The following MALRD1 variants were observed in gnomAD, a reference collection of about 807,000 sequenced individuals.
The protein encoded by MALRD1 is MAM and LDL receptor class A domain containing 1.
MALRD1 carries 247 observed loss-of-function variants against 242.1 expected under a neutral mutation model. That is an observed-to-expected ratio of 1.02 (90% CI 0.92 to 1.13). The LOEUF is 1.13. Among genes scored for constraint, MALRD1 ranks in the 50% most tolerant of loss-of-function variants. The pLI, the probability that MALRD1 is intolerant of heterozygous loss-of-function variation, is 0.00. For missense variants in MALRD1, 2,989 were observed against 2,533.1 expected (o/e 1.18, Z -3.86); for synonymous variants, 995 against 866.6 (o/e 1.15, Z -2.60).
Position 19,167,223 on chromosome 10 carries a change from G to A in MALRD1, c.1830+1413G>A, listed in dbSNP as rs919979777. On this transcript the variant is annotated intron_variant, in intron 13 of 39. Transcript: ENST00000454679. ...AAATACAAAAAATTAGCCGGGCATG[G>A]TGGCACGTGCCTGTAGTCCCAGCTA... 2.6e-5 allele frequency among the ~76,000 whole-genome samples: 4 copies of A among 152,230 alleles called. No homozygotes were observed. In the South Asian group the frequency reaches 8.3e-4, roughly 32 times the overall value.
intron 28 of MALRD1, among the ~76,000 whole-genome samples, chr10:19,446,032 C>T (rs1337990187): frequency 6.6e-6 from 1 of 152,154 alleles, no homozygotes; most frequent in Non-Finnish European, 1.5e-5. Flanking sequence ...AGTTCAATCT[C>T]AGACTGCTGT....
At chr10:19,620,687 A>G (rs562538290) in intron 36 of MALRD1, among the ~76,000 whole-genome samples, 110 of 152,214 alleles carry the variant, frequency 7.2e-4, no homozygotes, top group African/African-American at 2.6e-3. Flanking sequence ...CATGTCTTCA[A>G]TACATTTTCA....
intron 4 of MALRD1, among the ~76,000 whole-genome samples, chr10:19,101,620 A>AAAATTTG (rs1836260321): frequency 7.4e-6 from 1 of 135,740 alleles, no homozygotes; most frequent in Non-Finnish European, 1.5e-5. Flanking sequence ...ATATATACAT[A>AAAATTTG]TATACATATG....
At chr10:19,479,440 G>A (rs1023205043) in intron 29 of MALRD1, among the ~76,000 whole-genome samples, 1 of 152,122 alleles carries the variant, frequency 6.6e-6, no homozygotes, top group Non-Finnish European at 1.5e-5. Context: ...TTGGCTAAGG[G>A]TAAAGACTGT....
At chr10:19,160,839 T>G (rs1834362750) in intron 12 of MALRD1, among the ~76,000 whole-genome samples, 1 of 122,680 alleles carries the variant, frequency 8.2e-6, no homozygotes, top group Non-Finnish European at 1.7e-5. Flanking sequence ...TGTGTCTATT[T>G]GATTCTTCTC....
chr10:19,720,705 A>T (rs551315412), intron 38 of MALRD1, among the ~76,000 whole-genome samples: 3 of 151,972 alleles, frequency 2.0e-5, no homozygotes, highest in East Asian at 1.9e-4. Flanking sequence ...TTACTGTGCT[A>T]TTTTTTTTAT....
At chr10:19,467,295 C>T (rs1357044280) in intron 29 of MALRD1, among the ~76,000 whole-genome samples, 1 of 143,074 alleles carries the variant, frequency 7.0e-6, no homozygotes, top group East Asian at 2.2e-4. Context: ...GCGGAGCTTG[C>T]AGTGAGCCGA....
intron 24 of MALRD1, among the ~76,000 whole-genome samples, chr10:19,335,163 T>C (rs1450369866): frequency 6.6e-6 from 1 of 150,892 alleles, no homozygotes; most frequent in East Asian, 1.9e-4. Flanking sequence ...TGGTGAATGA[T>C]TGCAAAACCT....
chr10:19,135,369 G>T (rs2131410051), intron 9 of MALRD1, among the ~76,000 whole-genome samples: 1 of 152,226 alleles, frequency 6.6e-6, no homozygotes, highest in African/African-American at 2.4e-5. Context: ...TGGCCAGGCT[G>T]GTCTCGAACT....
chr10:19,224,742 G>A (rs1407136212), intron 18 of MALRD1, among the ~76,000 whole-genome samples: 1 of 152,084 alleles, frequency 6.6e-6, no homozygotes, highest in Non-Finnish European at 1.5e-5. Context: ...TTAGCCCTTT[G>A]TTAGATGGAT....
intron 32 of MALRD1, among the ~76,000 whole-genome samples, chr10:19,548,591 GTGATCAGTGATCTT>G (rs1352021288): frequency 2.0e-5 from 3 of 152,064 alleles, no homozygotes; most frequent in African/African-American, 7.2e-5. Context: ...ATGGTGATCT[GTGATCAGTGATCTT>G]TGATGCTACT....
intron 36 of MALRD1, among the ~76,000 whole-genome samples, chr10:19,686,920 T>C (rs1385393425): frequency 6.6e-6 from 1 of 151,766 alleles, no homozygotes. Context: ...ACAAAAGAAG[T>C]GGTAAAATGT....
At chr10:19,347,550 A>AT (rs5783667) in intron 24 of MALRD1, among the ~76,000 whole-genome samples, 21,851 of 152,102 alleles carry the variant, frequency 0.14, 1,540 homozygotes, top group South Asian at 0.15. Flanking sequence ...ATCAGTTTTG[A>AT]AACTGGGACC....
intron 14 of MALRD1, among the ~76,000 whole-genome samples, chr10:19,182,324 A>ATTTTTTTTTTTTTT (rs34790120): frequency 1.2e-5 from 1 of 81,960 alleles, no homozygotes; most frequent in Non-Finnish European, 2.2e-5. Flanking sequence ...CAAAACCTAC[A>ATTTTTTTTTTTTTT]TTTTTTTTTT....
At chr10:19,714,936 C>T (rs1335454033) in intron 38 of MALRD1, among the ~76,000 whole-genome samples, 1 of 152,194 alleles carries the variant, frequency 6.6e-6, no homozygotes, top group Admixed American at 6.5e-5. Flanking sequence ...GGAAATCCAA[C>T]TACATGGGTT....
chr10:19,451,512 G>A (rs951876054), intron 29 of MALRD1, among the ~76,000 whole-genome samples: 2 of 152,088 alleles, frequency 1.3e-5, no homozygotes, highest in Admixed American at 6.6e-5. Context: ...ATTCCATTTG[G>A]TTTCCAAAAT....
intron 33 of MALRD1, among the ~76,000 whole-genome samples, chr10:19,571,284 T>G (rs1836528149): frequency 6.6e-6 from 1 of 152,146 alleles, no homozygotes; most frequent in Non-Finnish European, 1.5e-5. Context: ...TAATCTAGAA[T>G]TAGTTTTGCC....
chr10:19,472,365 C>A (rs1373477182), intron 29 of MALRD1, among the ~76,000 whole-genome samples: 2 of 151,858 alleles, frequency 1.3e-5, no homozygotes, highest in African/African-American at 4.8e-5. Flanking sequence ...ATTTTCTTTT[C>A]TTGTAGTGTT....
chr10:19,299,005 A>G (rs950484929), intron 21 of MALRD1, among the ~76,000 whole-genome samples: 1 of 151,968 alleles, frequency 6.6e-6, no homozygotes, highest in Non-Finnish European at 1.5e-5. Flanking sequence ...ACTTTTTCAA[A>G]CAAATGAAAC....
Sources: allele counts gnomAD v4.1 joint callset (sites outside exome capture counted in the v4.1 genomes callset), GRCh38; gene constraint gnomAD v4.1.1; transcripts MANE v1.5; gene names NCBI Gene and HGNC (gene_info 2026-07-23, HGNC 2026-07-21).